Variants in DDAH1 observed in about 807,000 individuals in gnomAD.
The protein encoded by DDAH1 is dimethylarginine dimethylaminohydrolase 1.
DDAH1 carries 19 observed loss-of-function variants against 28.8 expected under a neutral mutation model. The ratio of observed to expected loss-of-function variants is 0.66; its 90% CI spans 0.46 to 0.97. The LOEUF (loss-of-function observed/expected upper bound fraction) is 0.97. Among genes scored for constraint, DDAH1 ranks in the 50% least tolerant of loss-of-function variants. DDAH1 has a pLI of 0.00. For synonymous variants in DDAH1, 153 were observed against 154.4 expected, an observed-to-expected ratio of 0.99 and a Z score of 0.07; for missense variants, 326 against 375.9, an observed-to-expected ratio of 0.87 and a Z score of 1.10.
chr1:85,427,545 G>T (rs565035044), intron 1 of DDAH1, among the ~76,000 whole-genome samples: 7 of 152,132 alleles, frequency 4.6e-5, no homozygotes, highest in African/African-American at 1.7e-4. Context: ...AGTACAAAAC[G>T]CTTGTGTCTT....
intron 1 of DDAH1, among the ~76,000 whole-genome samples, chr1:85,438,444 C>A (rs1320226199): frequency 6.6e-6 from 1 of 152,168 alleles, no homozygotes; most frequent in Non-Finnish European, 1.5e-5. Context: ...GGTTTAAAAT[C>A]TATTTGCCAT....
chr1:85,373,529 A>T (rs926105976), intron 1 of DDAH1, among the ~76,000 whole-genome samples: 4 of 152,096 alleles, frequency 2.6e-5, no homozygotes, highest in Non-Finnish European at 5.9e-5. Context: ...AGTGTTTAAC[A>T]GTTCCTCCTT....
intron 4 of DDAH1, among the ~76,000 whole-genome samples, chr1:85,350,051 G>T (rs1335697583): frequency 1.3e-5 from 2 of 152,204 alleles, no homozygotes; most frequent in African/African-American, 4.8e-5. Flanking sequence ...AACAAACCCT[G>T]TGTACCAACT....
intron 1 of DDAH1, among the ~76,000 whole-genome samples, chr1:85,420,997 C>T (rs1023533761): frequency 2.0e-5 from 3 of 152,148 alleles, no homozygotes; most frequent in African/African-American, 7.2e-5. Context: ...GAAGGTGAAG[C>T]GGGAACTGGT....
chr1:85,568,398 C>G (rs1215906263), intron 1 of DDAH1, among the ~76,000 whole-genome samples: 1 of 152,198 alleles, frequency 6.6e-6, no homozygotes, highest in Non-Finnish European at 1.5e-5. Context: ...GGAGCACTGT[C>G]ATTTTACCCA....
At chr1:85,491,531 G>C (rs745327180) in intron 2 of DDAH1, among the ~76,000 whole-genome samples, 4 of 152,118 alleles carry the variant, frequency 2.6e-5, no homozygotes, top group Non-Finnish European at 5.9e-5. Flanking sequence ...AAAGAGAACT[G>C]GAAACATACA....
intron 1 of DDAH1, among the ~76,000 whole-genome samples, chr1:85,511,323 C>T (rs1378883127): frequency 6.6e-6 from 1 of 152,092 alleles, no homozygotes; most frequent in African/African-American, 2.4e-5. Flanking sequence ...ACACAATGTA[C>T]CAGAGTCTCT....
chr1:85,399,817 G>C (rs745496379), intron 1 of DDAH1: 3 of 152,098 alleles, frequency 2.0e-5, no homozygotes, highest in Non-Finnish European at 4.4e-5. Flanking sequence ...TAATCAATCT[G>C]TTTTTTGTTC....
At chr1:85,556,447 C>T (rs1021875919) in intron 1 of DDAH1, among the ~76,000 whole-genome samples, 1 of 152,112 alleles carries the variant, frequency 6.6e-6, no homozygotes, top group Non-Finnish European at 1.5e-5. Flanking sequence ...AGCGGCTGTA[C>T]GAAGGACACG....
At chr1:85,517,690 A>G (rs1657518941) in intron 1 of DDAH1, among the ~76,000 whole-genome samples, 1 of 152,086 alleles carries the variant, frequency 6.6e-6, no homozygotes, top group Non-Finnish European at 1.5e-5. Context: ...ACAGCATCAC[A>G]AATAAATATC....
chr1:85,336,510 C>G (rs1298211003), intron 4 of DDAH1, among the ~76,000 whole-genome samples: 1 of 151,688 alleles, frequency 6.6e-6, no homozygotes, highest in Non-Finnish European at 1.5e-5. Context: ...AAACAACTTA[C>G]CAAAACCTGT....
At chr1:85,376,458 A>C (rs1650670900) in intron 1 of DDAH1, among the ~76,000 whole-genome samples, 1 of 152,126 alleles carries the variant, frequency 6.6e-6, no homozygotes, top group African/African-American at 2.4e-5. Flanking sequence ...ATAATTTTTA[A>C]ATTCTATATC....
intron 2 of DDAH1, among the ~76,000 whole-genome samples, chr1:85,355,970 G>A (rs1435504150): frequency 6.6e-6 from 1 of 152,148 alleles, no homozygotes; most frequent in Non-Finnish European, 1.5e-5. Flanking sequence ...AGGAATACAT[G>A]CATGGAGGCA....
chr1:85,411,075 C>A (rs2100596367), intron 1 of DDAH1, among the ~76,000 whole-genome samples: 1 of 152,320 alleles, frequency 6.6e-6, no homozygotes, highest in South Asian at 2.1e-4. Context: ...CATAGGTCCA[C>A]TGACTGAGTG....
chr1:85,571,317 T>C (rs1342615756), intron 1 of DDAH1, among the ~76,000 whole-genome samples: 2 of 152,220 alleles, frequency 1.3e-5, no homozygotes, highest in Non-Finnish European at 2.9e-5. Context: ...CTCTCAGGAA[T>C]GTGCACATTC....
chr1:85,519,886 T>C (rs1337573623), intron 1 of DDAH1, among the ~76,000 whole-genome samples: 1 of 152,194 alleles, frequency 6.6e-6, no homozygotes, highest in Non-Finnish European at 1.5e-5. Flanking sequence ...TGGTTGCCTC[T>C]AGGAATAAAA....
intron 1 of DDAH1, among the ~76,000 whole-genome samples, chr1:85,368,500 C>G (rs1650195139): frequency 6.6e-6 from 1 of 152,144 alleles, no homozygotes; most frequent in Non-Finnish European, 1.5e-5. Context: ...AAATGAAAAA[C>G]AAGGCAGGAG....
In DDAH1 at chr1:85,465,136, C is replaced by T. The variant is rs1277811094; in HGVS notation, c.-91G>A. 8.6e-7 allele frequency: 1 copy of T among 1,166,456 alleles called. No homozygotes were observed. The highest frequency in any genetic ancestry group is 1.6e-5 in the African/African-American group (1 of 61,818). The allele number at this position is 1,166,456 out of a possible 1,614,324, so 72.3% of individuals were successfully genotyped here. The stretch of plus-strand genomic sequence containing the variant: ...CGCTGAGCCTGCGAGCGCCCGTCGG[C>T]TCCTCTTGGCAGCCGCTGAATGTGG... On this transcript the variant is annotated 5_prime_UTR_variant, in exon 1 of 6. Coordinates refer to ENST00000284031, the MANE Select transcript of DDAH1 (RefSeq NM_012137.4).
At chr1:85,403,472 A>G (rs1250810447) in intron 1 of DDAH1, among the ~76,000 whole-genome samples, 1 of 152,180 alleles carries the variant, frequency 6.6e-6, no homozygotes, top group Non-Finnish European at 1.5e-5. Context: ...TTCCAGGCAC[A>G]GTGTCCTGGA....
Sources: allele counts gnomAD v4.1 joint callset (sites outside exome capture counted in the v4.1 genomes callset), GRCh38; gene constraint gnomAD v4.1.1; transcripts MANE v1.5; gene names NCBI Gene and HGNC (gene_info 2026-07-23, HGNC 2026-07-21).